The following SCN3B variants were observed in gnomAD, a reference collection of about 807,000 sequenced individuals.
SCN3B encodes the protein sodium voltage-gated channel beta subunit 3.
Under a neutral mutation model 25.4 loss-of-function variants are expected in SCN3B, and 11 were observed. That is an observed-to-expected ratio of 0.43 (90% CI 0.27 to 0.72). The LOEUF is 0.72. Ranked by LOEUF, SCN3B falls within the 30% of genes least tolerant of loss-of-function variation. SCN3B has a pLI of 0.18. For missense variants in SCN3B, 218 were observed against 278.3 expected (o/e 0.78, Z 1.54); for synonymous variants, 109 against 110.7 (o/e 0.99, Z 0.09).
At chr11:123,634,495 C>T (rs768564773) in intron 5 of SCN3B, among the ~76,000 whole-genome samples, 1 of 152,224 alleles carries the variant, frequency 6.6e-6, no homozygotes. Flanking sequence ...AATCCCAGCA[C>T]TTTGGGAGGC....
At chr11:123,652,203 C>T (rs1388795928) in intron 2 of SCN3B, among the ~76,000 whole-genome samples, 1 of 152,240 alleles carries the variant, frequency 6.6e-6, no homozygotes, top group Non-Finnish European at 1.5e-5. Context: ...AGGCTAACAT[C>T]TTCTAAGCCT....
intron 2 of SCN3B, among the ~76,000 whole-genome samples, chr11:123,646,518 G>A (rs1955854890): frequency 6.6e-6 from 1 of 152,232 alleles, no homozygotes; most frequent in Non-Finnish European, 1.5e-5. Flanking sequence ...GAGCAGCAGT[G>A]AAGAAAATGG....
intron 3 of SCN3B, 79 bp downstream of exon 3, chr11:123,645,508 A>T: frequency 7.0e-7 from 1 of 1,431,596 alleles, no homozygotes; most frequent in Non-Finnish European, 9.9e-7. Context: ...CTAGCTTGGC[A>T]TCCCCCGGAC....
intron 6 of SCN3B, 97 bp downstream of exon 6, chr11:123,634,024 G>A: frequency 1.0e-6 from 1 of 970,522 alleles, no homozygotes; most frequent in Non-Finnish European, 1.6e-6. Context: ...GTGACCTAAG[G>A]GACCAAATTT....
At chr11:123,649,263 A>C (rs1183939931) in intron 2 of SCN3B, among the ~76,000 whole-genome samples, 1 of 152,256 alleles carries the variant, frequency 6.6e-6, no homozygotes, top group African/African-American at 2.4e-5. Flanking sequence ...TAGTTAGTTC[A>C]TTTATAGTTA....
chr11:123,652,909 G>A (rs563981527), intron 2 of SCN3B, among the ~76,000 whole-genome samples: 28 of 152,248 alleles, frequency 1.8e-4, no homozygotes, highest in Admixed American at 3.9e-4. Flanking sequence ...CACACAATCA[G>A]ACATTATCAC....
chr11:123,653,945 G>A, intron 1 of SCN3B, 119 bp from the exon 2 acceptor site: 2 of 957,312 alleles, frequency 2.1e-6, no homozygotes, highest in Non-Finnish European at 3.3e-6. Context: ...GCCGAGCACC[G>A]GTGCCTGGGG....
chr11:123,648,331 G>T (rs745427474), intron 2 of SCN3B, among the ~76,000 whole-genome samples: 6 of 152,210 alleles, frequency 3.9e-5, no homozygotes, highest in Non-Finnish European at 5.9e-5. Flanking sequence ...ACATCATGCT[G>T]AAAGTTACAT....
chr11:123,638,158 AT>A (rs1955750390), intron 5 of SCN3B, 27 bp downstream of exon 5: 2 of 1,613,618 alleles, frequency 1.2e-6, no homozygotes, highest in Non-Finnish European at 1.7e-6. Context: ...GCTAGCTTTC[AT>A]TATTACTTTG....
rs1390387898 is a variant in SCN3B at position 123,644,792 on chromosome 11, AGAGAGAGAATATATATATATATAT to A, written c.219+771_219+794del. Among the ~76,000 whole-genome samples, 497 of 81,544 alleles carry A rather than the reference AGAGAGAGAATATATATATATATAT, an allele frequency of 6.1e-3. 5 individuals carry two copies. Among genetic ancestry groups the A allele is most frequent in the African/African-American group, 0.021 (467 of 22,420 alleles). The allele number at this position is 81,544 out of a possible 152,430, so 53.5% of individuals were successfully genotyped here. On this transcript the variant is annotated intron_variant, in intron 3 of 6. Transcript: ENST00000299333. ...GAGAGAGAGAGAGAGAGAGAGAGAGAGAGAGAGAATATATATATATATATATATATATATATATATATATATATA... is the reference window on the plus strand; with the variant it reads ...GAGAGAGAGAGAGAGAGAGAGAGAGAATATATATATATATATATATATATA...
rs559270946 is a variant in SCN3B at position 123,631,656 on chromosome 11, CT to C, written c.*2142del. On this transcript the variant is annotated 3_prime_UTR_variant, in exon 7 of 7. Coordinates refer to ENST00000299333, the MANE Select transcript of SCN3B (RefSeq NM_001040151.2). ...CAGCCTGGGCGACATGGCAAGACCC[CT>C]GTCTCTACATAAAATACAAAAATTA... 84 of 152,070 alleles carry C rather than the reference CT, an allele frequency of 5.5e-4. No homozygotes were observed. Among genetic ancestry groups the C allele is most frequent in the African/African-American group, 1.9e-3 (77 of 41,468 alleles). The allele number at this position is 152,070 out of a possible 1,614,324, so 9.4% of individuals were successfully genotyped here.
At chr11:123,645,499 T>C (rs888522504) in intron 3 of SCN3B, 88 bp downstream of exon 3, 1 of 1,341,482 alleles carries the variant, frequency 7.5e-7, no homozygotes, top group Non-Finnish European at 1.1e-6. Context: ...CAGTGTTTGC[T>C]AGCTTGGCAT....
rs1955638900 is a variant in SCN3B, at chr11:123,629,345, G to A, written c.*4454C>T. The A allele has an allele frequency of 1.3e-5, 2 of 152,222 alleles. No homozygotes were observed. Among genetic ancestry groups the A allele is most frequent in the Admixed American group, 1.3e-4 (2 of 15,276 alleles). 9.4% of individuals were successfully genotyped at this position (152,222 alleles called of 1,614,324 possible). The stretch of plus-strand genomic sequence containing the variant: ...CAAGCCTGCAAGCACTCGGCCTTCA[G>A]CGGCCTCCGTCTCCATCACACACAC... On this transcript the variant is annotated 3_prime_UTR_variant, in exon 7 of 7. Transcript: ENST00000299333.
rs886047906 is a variant in SCN3B, at chr11:123,654,526, G to C, written c.-326C>G. The stretch of plus-strand genomic sequence containing the variant: ...CTTCCCGGGAGCTCGCCCCCGGATG[G>C]TGCGGGGCCCCGACCCTGGGTGGCA... On this transcript the variant is annotated 5_prime_UTR_variant, in exon 1 of 7. Transcript: ENST00000299333. 1.3e-5 allele frequency: 2 copies of C among 153,222 alleles called. No homozygotes were observed. Among genetic ancestry groups the C allele is most frequent in the Non-Finnish European group, 2.9e-5 (2 of 68,806 alleles). 9.5% of individuals were successfully genotyped at this position (153,222 alleles called of 1,614,324 possible). A position where few individuals can be genotyped will look rare whatever the true frequency, so the allele number is the denominator to read the frequency against.
intron 3 of SCN3B, 77 bp downstream of exon 3, chr11:123,645,510 C>T: frequency 6.9e-7 from 1 of 1,448,338 alleles, no homozygotes; most frequent in Non-Finnish European, 9.7e-7. Flanking sequence ...AGCTTGGCAT[C>T]CCCCGGACTG....
Position 123,629,881 on chromosome 11 carries a change from A to T in SCN3B, c.*3918T>A, listed in dbSNP as rs1425137187. 1.3e-5 allele frequency: 2 copies of T among 152,052 alleles called. No individual in the cohort carries two copies. Among genetic ancestry groups the T allele is most frequent in the Non-Finnish European group, 2.9e-5 (2 of 67,966 alleles). The allele number at this position is 152,052 out of a possible 1,614,324, so 9.4% of individuals were successfully genotyped here. On this transcript the variant is annotated 3_prime_UTR_variant, in exon 7 of 7. Coordinates refer to ENST00000299333, the MANE Select transcript of SCN3B (RefSeq NM_001040151.2). ...TGTTAAACTGGGAAAGGGGAAACTA[A>T]GATATATTCTGAAGTGTGTCTAGCT...
At chr11:123,645,067 A>T in intron 3 of SCN3B, among the ~76,000 whole-genome samples, 1 of 151,776 alleles carries the variant, frequency 6.6e-6, no homozygotes, top group East Asian at 2.0e-4. Flanking sequence ...TATCCACGAG[A>T]GAACTGTTTG....
intron 2 of SCN3B, among the ~76,000 whole-genome samples, chr11:123,648,432 C>T (rs763379542): frequency 8.5e-5 from 13 of 152,154 alleles, no homozygotes; most frequent in East Asian, 1.9e-4. Flanking sequence ...TTCTATCTTT[C>T]GTTTATTTCC....
chr11:123,654,149 C>T (rs905898896), intron 1 of SCN3B, 77 bp downstream of exon 1: 29 of 434,036 alleles, frequency 6.7e-5, no homozygotes, highest in Middle Eastern at 6.7e-4. Flanking sequence ...CGTTTGCGCC[C>T]AGGGTAAGCT....
Sources: allele counts gnomAD v4.1 joint callset (sites outside exome capture counted in the v4.1 genomes callset), GRCh38; gene constraint gnomAD v4.1.1; transcripts MANE v1.5; gene names NCBI Gene and HGNC (gene_info 2026-07-23, HGNC 2026-07-21).